Variants in NDUFAF6 observed in about 807,000 individuals in gnomAD.
NDUFAF6 encodes NADH dehydrogenase (ubiquinone) complex I, assembly factor 6.
In NDUFAF6, 45 loss-of-function variants were observed where a neutral mutation model predicts 40.8. The ratio of observed to expected loss-of-function variants is 1.10; its 90% CI spans 0.87 to 1.42. NDUFAF6 has a LOEUF of 1.42. Ranked by LOEUF, NDUFAF6 falls within the 40% of genes most tolerant of loss-of-function variation. The pLI is 0.00. For missense variants in NDUFAF6, 435 were observed against 418.5 expected (o/e 1.04, Z -0.34); for synonymous variants, 185 against 155.9 (o/e 1.19, Z -1.39).
chr8:94,947,507 GA>G (rs1197578288), intron 2 of NDUFAF6, among the ~76,000 whole-genome samples: 2 of 152,142 alleles, frequency 1.3e-5, no homozygotes, highest in Admixed American at 6.5e-5. Flanking sequence ...ACCAAGCCAA[GA>G]AAGTTATCTC....
intron 3 of NDUFAF6, among the ~76,000 whole-genome samples, chr8:95,041,207 C>T (rs1386810042): frequency 1.3e-5 from 2 of 152,014 alleles, no homozygotes; most frequent in African/African-American, 4.8e-5. Flanking sequence ...TAGGGAGACC[C>T]TGTCTCTACA....
In NDUFAF6 at chr8:94,972,242, AT is replaced by A. The variant is rs994878093; in HGVS notation, c.-198-8607del. ...GAGAGCAAAGAATAGATACAACATGATTTTTTTTTTCTTTCTTGAGACTGAG... is the reference window on the plus strand; with the variant it reads ...GAGAGCAAAGAATAGATACAACATGATTTTTTTTTCTTTCTTGAGACTGAG... On this transcript the variant is annotated intron_variant, in intron 1 of 9. Transcript: ENST00000396111. Among the ~76,000 whole-genome samples, 9 of 150,316 alleles carry A rather than the reference AT, an allele frequency of 6.0e-5. No individual in the cohort carries two copies. In the East Asian group the frequency reaches 1.2e-3, roughly 20 times the overall value.
At chr8:94,909,303 T>G (rs572396762) in intron 1 of NDUFAF6, among the ~76,000 whole-genome samples, 1 of 125,872 alleles carries the variant, frequency 7.9e-6, no homozygotes, top group South Asian at 2.6e-4. Context: ...GAGCTGAGAT[T>G]GCACCACTGC....
chr8:94,947,676 CCT>C (rs1822141111), intron 2 of NDUFAF6, among the ~76,000 whole-genome samples: 4 of 152,202 alleles, frequency 2.6e-5, no homozygotes, highest in Non-Finnish European at 4.4e-5. Context: ...GGGATCCACC[CCT>C]GTCTGCCCCT....
chr8:95,046,887 A>G (rs1172521154), intron 5 of NDUFAF6, 107 bp from the exon 6 acceptor site: 3 of 1,474,476 alleles, frequency 2.0e-6, no homozygotes, highest in African/African-American at 1.4e-5. Flanking sequence ...GATGTAAAAC[A>G]GGATAAATGT....
chr8:95,026,013 A>C (rs1227702363), intron 1 of NDUFAF6, among the ~76,000 whole-genome samples: 5 of 152,144 alleles, frequency 3.3e-5, no homozygotes, highest in Non-Finnish European at 5.9e-5. Context: ...TAAGGTCTTG[A>C]AGTACTTGGT....
chr8:95,060,525 G>A (rs888054821), downstream of NDUFAF6, among the ~76,000 whole-genome samples: 12 of 152,212 alleles, frequency 7.9e-5, no homozygotes, highest in African/African-American at 2.7e-4. Context: ...CTTGAGAAAT[G>A]TAACTGTAGC....
rs1554636015 is a variant in NDUFAF6, at chr8:94,949,140, C to CCG, written c.-799+3522_-799+3523insGC. 6 of 149,288 alleles carry CCG rather than the reference C, an allele frequency of 4.0e-5. No homozygotes were observed. The South Asian group carries it at 1.2e-3, about 31-fold the overall frequency. The allele number at this position is 149,288 out of a possible 1,614,324, so 9.2% of individuals were successfully genotyped here. A position where few individuals can be genotyped will look rare whatever the true frequency, so the allele number is the denominator to read the frequency against. ...CCCTGGACGGACGCCCGCCCGCCCC[C>CCG]CCCCGGCACTTACGTGGGCCCGGGC... is the stretch of plus-strand genomic sequence containing the variant. On this transcript the variant is annotated intron_variant, in intron 2 of 14. Transcript: ENST00000396113.
downstream of NDUFAF6, among the ~76,000 whole-genome samples, chr8:95,108,362 A>G (rs1480978592): frequency 2.6e-5 from 4 of 152,176 alleles, no homozygotes; most frequent in Non-Finnish European, 5.9e-5. Context: ...ACTATGGGAT[A>G]TTTCCTAGCC....
intron 1 of NDUFAF6, among the ~76,000 whole-genome samples, chr8:94,920,219 A>T (rs1380199093): frequency 6.6e-6 from 1 of 152,216 alleles, no homozygotes; most frequent in Non-Finnish European, 1.5e-5. Flanking sequence ...GGTGTCTTGG[A>T]TCACAGATTG....
downstream of NDUFAF6, among the ~76,000 whole-genome samples, chr8:95,080,050 A>G (rs1364547327): frequency 1.5e-5 from 1 of 68,168 alleles, no homozygotes. Flanking sequence ...TTTTGTAGTG[A>G]TTTTTTGTAG....
At chr8:95,000,610 T>C (rs546054206) in intron 2 of NDUFAF6, among the ~76,000 whole-genome samples, 135 of 128,368 alleles carry the variant, frequency 1.1e-3, no homozygotes, top group Admixed American at 2.5e-3. Context: ...TCAAACTATA[T>C]AAAAAAGTAT....
intron 1 of NDUFAF6, among the ~76,000 whole-genome samples, chr8:94,935,111 GTACA>G (rs796929207): frequency 1.8e-4 from 26 of 141,334 alleles, no homozygotes; most frequent in African/African-American, 5.6e-4. Context: ...AGGTAGGTAG[GTACA>G]TAGGTAGATA....
At chr8:95,095,326 A>G (rs1182939154) in intron 2 of NDUFAF6, among the ~76,000 whole-genome samples, 1 of 152,144 alleles carries the variant, frequency 6.6e-6, no homozygotes. Flanking sequence ...TAGTCACCTT[A>G]GTACTGCTGG....
intron 8 of NDUFAF6, 137 bp downstream of exon 8, chr8:95,052,367 C>T: frequency 1.1e-6 from 1 of 906,628 alleles, no homozygotes; most frequent in East Asian, 2.5e-5. Context: ...TGGCGGCTTT[C>T]ATTAGTTACT....
At chr8:95,112,585 G>A (rs913480057) in intron 4 of NDUFAF6, among the ~76,000 whole-genome samples, 31 of 151,254 alleles carry the variant, frequency 2.0e-4, no homozygotes, top group Non-Finnish European at 3.0e-5. Flanking sequence ...GTGACAATCT[G>A]TTCTGGCAGC....
chr8:95,016,543 G>C (rs112481120), intron 2 of NDUFAF6, among the ~76,000 whole-genome samples: 9 of 152,284 alleles, frequency 5.9e-5, no homozygotes, highest in African/African-American at 1.7e-4. Flanking sequence ...AAGAGATCGA[G>C]ACCATCCTGG....
intron 1 of NDUFAF6, among the ~76,000 whole-genome samples, chr8:94,965,814 TGGGGTAGG>T (rs1278987818): frequency 5.3e-5 from 8 of 152,102 alleles, no homozygotes; most frequent in African/African-American, 1.9e-4. Context: ...AGACAGGTGA[TGGGGTAGG>T]AGAGAACTCA....
chr8:94,930,484 A>C, intron 1 of NDUFAF6: 36 of 1,614,192 alleles, frequency 2.2e-5, no homozygotes, highest in Non-Finnish European at 3.1e-5. Flanking sequence ...AACTATTAGT[A>C]ATTGTACTGA....
Sources: gnomAD v4.1 joint callset for allele counts (sites outside exome capture counted in the v4.1 genomes callset) on GRCh38, gnomAD v4.1.1 for gene constraint, MANE v1.5 for transcripts, NCBI Gene and HGNC (gene_info 2026-07-23, HGNC 2026-07-21) for gene names.